Variants in KRCC1 observed in about 807,000 individuals in gnomAD.
KRCC1 encodes the protein lysine rich coiled-coil 1, also known as lysine-rich coiled-coil protein 1.
KRCC1 carries 3 observed loss-of-function variants against 7.4 expected under a neutral mutation model. The ratio of observed to expected loss-of-function variants is 0.40; its 90% CI spans 0.18 to 1.04. The LOEUF (loss-of-function observed/expected upper bound fraction) is 1.04. KRCC1 is among the 50% of genes least tolerant of loss of function. The pLI is 0.33. For synonymous variants in KRCC1, 102 were observed against 101.6 expected, an observed-to-expected ratio of 1.00 and a Z score of -0.02; for missense variants, 277 against 300.9, an observed-to-expected ratio of 0.92 and a Z score of 0.59.
chr2:88,033,525 CAAAA>C (rs201591817), intron 3 of KRCC1, among the ~76,000 whole-genome samples: 1 of 145,138 alleles, frequency 6.9e-6, no homozygotes, highest in Non-Finnish European at 1.5e-5. Context: ...GACTCCGTCT[CAAAA>C]AAAAAAGTCA....
chr2:88,044,119 C>T (rs954339317), intron 1 of KRCC1, among the ~76,000 whole-genome samples: 16 of 152,296 alleles, frequency 1.1e-4, no homozygotes, highest in South Asian at 4.1e-4. Context: ...CAGTCTGGCT[C>T]CATAATCTGT....
intron 1 of KRCC1, among the ~76,000 whole-genome samples, chr2:88,051,921 A>T (rs1388069462): frequency 1.3e-5 from 2 of 152,246 alleles, no homozygotes; most frequent in Non-Finnish European, 2.9e-5. Context: ...CATTATGAGT[A>T]GGATAATCCA....
chr2:88,040,305 T>C (rs531048780), intron 1 of KRCC1, among the ~76,000 whole-genome samples: 8 of 152,302 alleles, frequency 5.3e-5, no homozygotes, highest in Non-Finnish European at 8.8e-5. Flanking sequence ...TCCTGAGTCA[T>C]GTCTGTTCTA....
chr2:88,043,695 G>A (rs967249270), intron 1 of KRCC1, among the ~76,000 whole-genome samples: 4 of 152,202 alleles, frequency 2.6e-5, no homozygotes, highest in Non-Finnish European at 4.4e-5. Flanking sequence ...TGGAGATGAA[G>A]TTTTGCTCTT....
chr2:88,052,132 C>CT (rs1673503738), intron 1 of KRCC1, among the ~76,000 whole-genome samples: 1 of 152,252 alleles, frequency 6.6e-6, no homozygotes, highest in Admixed American at 6.5e-5. Context: ...CTTTCATGGA[C>CT]TATCTCTGTG....
At chr2:88,041,081 A>C (rs753847240) in intron 1 of KRCC1, among the ~76,000 whole-genome samples, 11 of 152,170 alleles carry the variant, frequency 7.2e-5, no homozygotes, top group Non-Finnish European at 1.2e-4. Context: ...AGAAAAAGAG[A>C]CTCAAAATGG....
At chr2:88,034,689 A>G (rs1369470491) in intron 2 of KRCC1, among the ~76,000 whole-genome samples, 2 of 152,214 alleles carry the variant, frequency 1.3e-5, no homozygotes, top group Non-Finnish European at 2.9e-5. Context: ...TAATAAATAC[A>G]TTTTGAATAT....
In KRCC1 at chr2:88,027,755, TAAC is replaced by T. The variant is rs1219065249; in HGVS notation, c.*26_*28del. The T allele has an allele frequency of 1.3e-6, 2 of 1,541,950 alleles. No homozygotes were observed. The highest frequency in any genetic ancestry group is 2.8e-5 in the African/African-American group (2 of 72,062). On this transcript the variant is annotated 3_prime_UTR_variant, in exon 4 of 4. Transcript: ENST00000347055. ...CAAGCTCTCACCTATTTTTTCAATT[TAAC>T]TTTGGGAGAACCAACTTTGAAAGCT... is the stretch of plus-strand genomic sequence containing the variant.
chr2:88,027,888 C>T lies in KRCC1; in HGVS notation c.676G>A (p.Val226Ile), dbSNP rs767205744. ...NRKEKKSRDV[V>I]SKKEERKRTK... The stretch of plus-strand genomic sequence containing the variant: ...CGCTTACGTTCCTCTTTCTTAGAGA[C>T]TACATCTCGGCTTTTTTTCTCCTTT... Residue 226 changes from valine (V) to isoleucine (I), a missense_variant, in exon 4 of 4, where the codon GTC (valine) becomes ATC (isoleucine). Val to Ile is a conservative substitution (Grantham distance 29). Transcript: ENST00000347055. 5.4e-5 allele frequency: 87 copies of T among 1,613,948 alleles called. No individual in the cohort carries two copies. The highest frequency in any genetic ancestry group is 7.1e-5 in the Non-Finnish European group (84 of 1,180,028).
chr2:88,030,400 T>A (rs948417807), intron 3 of KRCC1, among the ~76,000 whole-genome samples: 1 of 151,744 alleles, frequency 6.6e-6, no homozygotes, highest in East Asian at 2.0e-4. Flanking sequence ...TTAGAAAATA[T>A]AGTTCTTGTT....
At chr2:88,044,388 C>T (rs1673283469) in intron 1 of KRCC1, among the ~76,000 whole-genome samples, 1 of 114,582 alleles carries the variant, frequency 8.7e-6, no homozygotes, top group Non-Finnish European at 1.8e-5. Context: ...GACCTTGTCT[C>T]TACAAAAGAA....
intron 2 of KRCC1, among the ~76,000 whole-genome samples, chr2:88,035,122 T>C (rs946116877): frequency 2.8e-4 from 42 of 152,230 alleles, no homozygotes; most frequent in African/African-American, 9.2e-4. Flanking sequence ...GAATAGAATT[T>C]CGCTTGCTTT....
chr2:88,041,089 T>C (rs1027249274), intron 1 of KRCC1, among the ~76,000 whole-genome samples: 1 of 152,064 alleles, frequency 6.6e-6, no homozygotes, highest in Non-Finnish European at 1.5e-5. Context: ...AGACTCAAAA[T>C]GGAGATATTG....
At chr2:88,046,174 T>C (rs572503238) in intron 1 of KRCC1, among the ~76,000 whole-genome samples, 1 of 152,332 alleles carries the variant, frequency 6.6e-6, no homozygotes, top group East Asian at 1.9e-4. Context: ...TAAGAACTAG[T>C]GACTGTAATA....
chr2:88,032,460 T>A (rs1052014292), intron 3 of KRCC1, among the ~76,000 whole-genome samples: 2 of 152,174 alleles, frequency 1.3e-5, no homozygotes, highest in African/African-American at 2.4e-5. Flanking sequence ...CTAGGAGCAA[T>A]AGGCTATATC....
rs1459460429 is a variant in KRCC1, at chr2:88,027,718, A to G, written c.*66T>C. 3 of 1,391,374 alleles carry G rather than the reference A, an allele frequency of 2.2e-6. No homozygotes were observed. Among genetic ancestry groups the G allele is most frequent in the African/African-American group, 2.9e-5 (2 of 69,054 alleles). 86.2% of individuals were successfully genotyped at this position (1,391,374 alleles called of 1,614,324 possible). On this transcript the variant is annotated 3_prime_UTR_variant, in exon 4 of 4. Coordinates refer to ENST00000347055, the MANE Select transcript of KRCC1 (RefSeq NM_016618.3). Reference sequence around the variant, plus strand: ...CATAAGAAAAGTGGTATGAACACGGATATCATAAAACCAAGCTCTCACCTA... The same window carrying G: ...CATAAGAAAAGTGGTATGAACACGGGTATCATAAAACCAAGCTCTCACCTA...
chr2:88,055,198 T>C (rs1271907297), intron 1 of KRCC1, among the ~76,000 whole-genome samples: 1 of 151,480 alleles, frequency 6.6e-6, no homozygotes, highest in Admixed American at 6.6e-5. Flanking sequence ...CGTCAAAGTC[T>C]CTACTTTCCA....
rs1339541696 is a variant in KRCC1 at position 88,028,160 on chromosome 2, C to CT, written c.403dup (p.Arg135LysfsTer10). ...ATCTGAGGAGAAGTGCTTGTAAACT[C>CT]TATGTTCTACACCATGTGAGCCACA... is the stretch of plus-strand genomic sequence containing the variant. On this transcript the variant is annotated frameshift_variant, in exon 4 of 4. Transcript: ENST00000347055. LOFTEE classifies it low-confidence loss of function (END_TRUNC). 1.2e-6 allele frequency: 2 copies of CT among 1,614,008 alleles called. No individual in the cohort carries two copies. Among genetic ancestry groups the CT allele is most frequent in the Non-Finnish European group, 8.5e-7 (1 of 1,180,036 alleles).
intron 1 of KRCC1, among the ~76,000 whole-genome samples, chr2:88,042,564 T>G (rs1163434594): frequency 6.6e-6 from 1 of 152,096 alleles, no homozygotes; most frequent in East Asian, 1.9e-4. Flanking sequence ...ACTATAGGCA[T>G]GTGCTAGCAT....
Sources: allele counts gnomAD v4.1 joint callset (sites outside exome capture counted in the v4.1 genomes callset), GRCh38; gene constraint gnomAD v4.1.1; transcripts MANE v1.5; gene names NCBI Gene and HGNC (gene_info 2026-07-23, HGNC 2026-07-21).